Variants in SIK3 observed in about 807,000 individuals in gnomAD.
SIK3 encodes the protein serine/threonine-protein kinase SIK3.
Under a neutral mutation model 144.2 loss-of-function variants are expected in SIK3, and 28 were observed. The observed-to-expected ratio is 0.19, with a 90% CI of 0.14 to 0.27. The LOEUF is 0.27. Among genes scored for constraint, SIK3 ranks in the 10% least tolerant of loss-of-function variants. The pLI, the probability that SIK3 is intolerant of heterozygous loss-of-function variation, is 1.00. For missense variants in SIK3, 1,319 were observed against 1,776.0 expected, an observed-to-expected ratio of 0.74 and a Z score of 4.62; for synonymous variants, 686 against 676.3, an observed-to-expected ratio of 1.01 and a Z score of -0.22.
intron 1 of SIK3, among the ~76,000 whole-genome samples, chr11:117,090,228 T>A (rs765409252): frequency 3.9e-5 from 6 of 152,204 alleles, no homozygotes; most frequent in Non-Finnish European, 8.8e-5. Context: ...GACTACATTA[T>A]TATCCCAGAA....
intron 1 of SIK3, among the ~76,000 whole-genome samples, chr11:117,086,994 C>CAAA (rs907856897): frequency 6.0e-5 from 4 of 66,726 alleles, no homozygotes; most frequent in African/African-American, 1.5e-4. Flanking sequence ...GACTCCATCT[C>CAAA]AAAAAAAAAA....
At chr11:117,020,982 T>G (rs1428065846) in intron 1 of SIK3, among the ~76,000 whole-genome samples, 3 of 152,208 alleles carry the variant, frequency 2.0e-5, no homozygotes, top group Non-Finnish European at 4.4e-5. Flanking sequence ...CTTGTGGGAC[T>G]GAGCCCTCAA....
At chr11:116,884,705 G>C (rs1019859412) in intron 6 of SIK3, among the ~76,000 whole-genome samples, 2 of 150,892 alleles carry the variant, frequency 1.3e-5, no homozygotes, top group Non-Finnish European at 2.9e-5. Context: ...TTGATCTCCC[G>C]GCCTCAAACA....
At chr11:117,077,503 AT>A (rs2136033674) in intron 1 of SIK3, among the ~76,000 whole-genome samples, 1 of 152,346 alleles carries the variant, frequency 6.6e-6, no homozygotes, top group South Asian at 2.1e-4. Context: ...TCTTTTCCTA[AT>A]AGCTATTTGC....
At chr11:116,975,755 A>C (rs1949927670) in intron 1 of SIK3, among the ~76,000 whole-genome samples, 1 of 152,170 alleles carries the variant, frequency 6.6e-6, no homozygotes, top group Non-Finnish European at 1.5e-5. Flanking sequence ...TGGTAATTCC[A>C]CTTTTAACAT....
At chr11:116,988,074 A>C (rs1277668910) in intron 1 of SIK3, among the ~76,000 whole-genome samples, 2 of 152,182 alleles carry the variant, frequency 1.3e-5, no homozygotes, top group African/African-American at 4.8e-5. Flanking sequence ...GCAAAGAGGG[A>C]GCAAGCAAAG....
Position 116,862,325 on chromosome 11 carries a change from C to T in SIK3, c.2106G>A (p.Glu702=). ...NNSSIKQLQQ[E]CEQLQKMYGG... is the part of the protein sequence containing the mutation. ...CGTACATCTTCTGCAGCTGCTCACACTCCTGAAGGGAAAGTAGTTAATACA... is the reference window on the plus strand; with the variant it reads ...CGTACATCTTCTGCAGCTGCTCACATTCCTGAAGGGAAAGTAGTTAATACA... Residue 702 remains glutamate, a splice_region_variant and synonymous_variant, in exon 17 of 25, where the codon GAG becomes GAA. Transcript: ENST00000445177. 1.2e-6 allele frequency: 2 copies of T among 1,614,166 alleles called. No homozygotes were observed. The highest frequency in any genetic ancestry group is 2.2e-5 in the South Asian group (2 of 91,068).
At chr11:117,062,725 G>A (rs888403099) in intron 1 of SIK3, among the ~76,000 whole-genome samples, 1 of 152,184 alleles carries the variant, frequency 6.6e-6, no homozygotes, top group Non-Finnish European at 1.5e-5. Context: ...ATCACTAAGT[G>A]TGGAAAAAGT....
chr11:116,870,039 C>G (rs755283471), intron 14 of SIK3: 1 of 1,204,066 alleles, frequency 8.3e-7, no homozygotes, highest in Non-Finnish European at 1.1e-6. Flanking sequence ...TGAATACTAT[C>G]AGAGTTGCAA....
intron 1 of SIK3, among the ~76,000 whole-genome samples, chr11:117,011,068 C>A (rs1214872802): frequency 6.6e-6 from 1 of 152,080 alleles, no homozygotes; most frequent in Non-Finnish European, 1.5e-5. Flanking sequence ...TGCAGTGAGC[C>A]AAGATTGCGC....
At chr11:117,066,421 C>T (rs1954019479) in intron 1 of SIK3, among the ~76,000 whole-genome samples, 2 of 149,552 alleles carry the variant, frequency 1.3e-5, no homozygotes, top group Non-Finnish European at 3.0e-5. Flanking sequence ...AAAAATAAGC[C>T]ATGGAATCGG....
intron 2 of SIK3, among the ~76,000 whole-genome samples, chr11:116,955,492 C>T (rs1361824337): frequency 6.6e-6 from 1 of 152,218 alleles, no homozygotes; most frequent in Non-Finnish European, 1.5e-5. Flanking sequence ...TCAAAGCTAG[C>T]ACTGGACCTG....
Position 117,093,419 on chromosome 11 carries a change from C to T in SIK3, c.273+4724G>A, listed in dbSNP as rs114761618. ...TGTGTAATATTTAAAGTTAAGAATT[C>T]TGACCTTGGCCGTCTAAGGCCTTTG... On this transcript the variant is annotated intron_variant, in intron 1 of 24. Transcript: ENST00000445177. 7.2e-3 allele frequency among the ~76,000 whole-genome samples: 1,094 copies of T among 152,276 alleles called. 14 individuals carry two copies. Among genetic ancestry groups the T allele is most frequent in the African/African-American group, 0.025 (1,020 of 41,532 alleles).
intron 6 of SIK3, among the ~76,000 whole-genome samples, chr11:116,888,124 CT>C (rs1944924932): frequency 6.6e-6 from 1 of 152,198 alleles, no homozygotes; most frequent in Admixed American, 6.5e-5. Flanking sequence ...CTAGAAGCAG[CT>C]ACATGGTAGA....
intron 1 of SIK3, among the ~76,000 whole-genome samples, chr11:117,060,676 A>C (rs1953754204): frequency 6.6e-6 from 1 of 151,996 alleles, no homozygotes; most frequent in African/African-American, 2.4e-5. Context: ...GGGAATTCTT[A>C]GGGTAGTGAA....
chr11:116,869,638 G>C (rs1305646206), intron 14 of SIK3: 1 of 152,314 alleles, frequency 6.6e-6, no homozygotes, highest in Non-Finnish European at 1.5e-5. Flanking sequence ...CCCCCTCCCC[G>C]GATAATAAGA....
chr11:116,975,176 CTAGT>C (rs1949902122), intron 1 of SIK3, among the ~76,000 whole-genome samples: 1 of 150,650 alleles, frequency 6.6e-6, no homozygotes, highest in Non-Finnish European at 1.5e-5. Context: ...TCTTTGTATT[CTAGT>C]TATTTAAAAA....
At chr11:116,978,785 G>A (rs1452680214) in intron 1 of SIK3, among the ~76,000 whole-genome samples, 1 of 152,080 alleles carries the variant, frequency 6.6e-6, no homozygotes, top group Non-Finnish European at 1.5e-5. Flanking sequence ...TGGGATTACA[G>A]GCCTGTACCA....
At chr11:116,977,276 T>TGTA (rs1949980926) in intron 1 of SIK3, among the ~76,000 whole-genome samples, 1 of 139,710 alleles carries the variant, frequency 7.2e-6, no homozygotes, top group Non-Finnish European at 1.5e-5. Context: ...AGACAGAGTC[T>TGTA]CGTTATGTTG....
Sources: gnomAD v4.1 joint callset for allele counts (sites outside exome capture counted in the v4.1 genomes callset) on GRCh38, gnomAD v4.1.1 for gene constraint, MANE v1.5 for transcripts, NCBI Gene and HGNC (gene_info 2026-07-23, HGNC 2026-07-21) for gene names.